Variants in FHIT observed in about 807,000 individuals in gnomAD.
FHIT encodes the protein fragile histidine triad diadenosine triphosphatase.
FHIT carries 19 observed loss-of-function variants against 17.9 expected under a neutral mutation model. That is an observed-to-expected ratio of 1.06 (90% CI 0.74 to 1.56). The LOEUF (loss-of-function observed/expected upper bound fraction) is 1.56, where lower values mean the gene tolerates loss of function less well. Ranked by LOEUF, FHIT falls within the 40% of genes most tolerant of loss-of-function variation. FHIT has a pLI of 0.00. For synonymous variants in FHIT, 81 were observed against 69.7 expected (o/e 1.16, Z -0.81); for missense variants, 248 against 189.2 (o/e 1.31, Z -1.82).
At chr3:59,916,934 AG>A (rs1217483141) in intron 8 of FHIT, among the ~76,000 whole-genome samples, 7 of 152,242 alleles carry the variant, frequency 4.6e-5, no homozygotes, top group African/African-American at 1.7e-4. Context: ...ACTCAGTGGG[AG>A]GACATCAGTA....
At chr3:59,881,745 G>A (rs1703418886) in intron 8 of FHIT, among the ~76,000 whole-genome samples, 1 of 152,136 alleles carries the variant, frequency 6.6e-6, no homozygotes. Flanking sequence ...CATTAGGATA[G>A]AATATTAGAG....
chr3:60,422,020 A>G (rs1205896260), intron 5 of FHIT, among the ~76,000 whole-genome samples: 1 of 152,108 alleles, frequency 6.6e-6, no homozygotes, highest in Non-Finnish European at 1.5e-5. Flanking sequence ...CATATTGGAG[A>G]GCTCTTAGGC....
intron 3 of FHIT, among the ~76,000 whole-genome samples, chr3:60,994,687 A>G (rs191279476): frequency 8.1e-4 from 124 of 152,302 alleles, no homozygotes; most frequent in South Asian, 2.1e-3. Context: ...GGACATTGAG[A>G]CCAAAATGTC....
At chr3:60,050,443 G>C (rs1327330860) in intron 5 of FHIT, among the ~76,000 whole-genome samples, 1 of 152,138 alleles carries the variant, frequency 6.6e-6, no homozygotes, top group Non-Finnish European at 1.5e-5. Context: ...ATAGCACTTA[G>C]AGCAGCAGAT....
intron 2 of FHIT, among the ~76,000 whole-genome samples, chr3:61,097,407 T>C (rs1162441147): frequency 3.9e-5 from 6 of 152,246 alleles, no homozygotes; most frequent in South Asian, 2.1e-4. Context: ...GCAATGAATA[T>C]ACACATGCAT....
At chr3:60,305,675 T>C (rs1164061867) in intron 5 of FHIT, among the ~76,000 whole-genome samples, 2 of 152,232 alleles carry the variant, frequency 1.3e-5, no homozygotes, top group African/African-American at 4.8e-5. Context: ...AGATGAGGTA[T>C]TTACATACAT....
At position 60,419,672 on chromosome 3, in the gene FHIT, G is replaced by A. The variant is rs147023764; in HGVS notation, c.103+117188C>T. Among the ~76,000 whole-genome samples the A allele has an allele frequency of 1.2e-4, 19 of 152,090 alleles. No individual in the cohort carries two copies. In the East Asian group the frequency reaches 1.4e-3, roughly 11 times the overall value. On this transcript the variant is annotated intron_variant, in intron 5 of 9. Transcript: ENST00000492590. Reference sequence around the variant, plus strand: ...CAGTATTCTTTTTGCTAAGAGTTCCGTCTTTCTCTAATTTCTTACTTTTAA... The same window carrying A: ...CAGTATTCTTTTTGCTAAGAGTTCCATCTTTCTCTAATTTCTTACTTTTAA...
At chr3:60,484,282 T>A (rs1321767400) in intron 5 of FHIT, among the ~76,000 whole-genome samples, 1 of 152,162 alleles carries the variant, frequency 6.6e-6, no homozygotes, top group Non-Finnish European at 1.5e-5. Flanking sequence ...ATTCTCAAAC[T>A]ACTATTGACA....
At chr3:60,784,409 T>G (rs1700496396) in intron 4 of FHIT, among the ~76,000 whole-genome samples, 1 of 151,498 alleles carries the variant, frequency 6.6e-6, no homozygotes, top group African/African-American at 2.4e-5. Context: ...CAATCTCAGC[T>G]GACTGCAGCC....
chr3:59,855,778 C>CT (rs1015752911), intron 8 of FHIT, among the ~76,000 whole-genome samples: 3 of 149,740 alleles, frequency 2.0e-5, no homozygotes, highest in Non-Finnish European at 3.0e-5. Flanking sequence ...ATAGATAAAC[C>CT]TTTTTTTGTT....
rs552265854 is a variant in FHIT at position 61,055,782 on chromosome 3, G to A, written c.-163-13683C>T. Reference sequence around the variant, plus strand: ...AGGAGTCCCAATACAGATTCTAGGTGTTCTAATGAGGGACAGAGAGAATGT... The same window carrying A: ...AGGAGTCCCAATACAGATTCTAGGTATTCTAATGAGGGACAGAGAGAATGT... On this transcript the variant is annotated intron_variant, in intron 2 of 9. Transcript: ENST00000492590. Among the ~76,000 whole-genome samples, 108 of 152,274 alleles carry A rather than the reference G, an allele frequency of 7.1e-4. 1 individual carries two copies. Among genetic ancestry groups the A allele is most frequent in the African/African-American group, 2.5e-3 (103 of 41,554 alleles).
At chr3:60,348,089 T>A (rs1710887687) in intron 5 of FHIT, among the ~76,000 whole-genome samples, 1 of 150,986 alleles carries the variant, frequency 6.6e-6, no homozygotes, top group East Asian at 2.0e-4. Context: ...AAATTCATGG[T>A]AAATTAGTAA....
chr3:59,958,719 C>T (rs1007189418), intron 7 of FHIT, among the ~76,000 whole-genome samples: 1 of 152,196 alleles, frequency 6.6e-6, no homozygotes, highest in Non-Finnish European at 1.5e-5. Flanking sequence ...TATGTAATTT[C>T]TACTCTGAAA....
intron 5 of FHIT, among the ~76,000 whole-genome samples, chr3:60,490,769 G>A (rs185390422): frequency 4.5e-4 from 68 of 150,596 alleles, no homozygotes; most frequent in Non-Finnish European, 1.5e-4. Flanking sequence ...TGCTTATTTT[G>A]CTCTAAGCCC....
At chr3:60,368,100 A>C (rs971632688) in intron 5 of FHIT, among the ~76,000 whole-genome samples, 1 of 151,974 alleles carries the variant, frequency 6.6e-6, no homozygotes, top group Admixed American at 6.6e-5. Context: ...GTGACTATGA[A>C]CATTTGTGTA....
intron 4 of FHIT, among the ~76,000 whole-genome samples, chr3:60,627,694 T>G (rs2039328486): frequency 1.3e-5 from 2 of 152,142 alleles, no homozygotes; most frequent in Admixed American, 1.3e-4. Flanking sequence ...CGGCTAATTT[T>G]CGTATTTTTA....
intron 4 of FHIT, among the ~76,000 whole-genome samples, chr3:60,671,550 A>T (rs2040504576): frequency 6.6e-6 from 1 of 152,164 alleles, no homozygotes; most frequent in Non-Finnish European, 1.5e-5. Context: ...TTCAGTTTTC[A>T]TATACGTTTA....
intron 5 of FHIT, among the ~76,000 whole-genome samples, chr3:60,073,563 C>A (rs1208165308): frequency 1.3e-5 from 2 of 152,078 alleles, no homozygotes; most frequent in African/African-American, 4.8e-5. Context: ...TCAAAAGAGA[C>A]GCTGATATTA....
intron 2 of FHIT, among the ~76,000 whole-genome samples, chr3:61,147,469 G>A (rs13323679): frequency 6.6e-6 from 1 of 151,848 alleles, no homozygotes; most frequent in South Asian, 2.1e-4. Flanking sequence ...AGAGTGCCAA[G>A]GTTCTTCTGC....
Sources: gnomAD v4.1 joint callset for allele counts (sites outside exome capture counted in the v4.1 genomes callset) on GRCh38, gnomAD v4.1.1 for gene constraint, MANE v1.5 for transcripts, NCBI Gene and HGNC (gene_info 2026-07-23, HGNC 2026-07-21) for gene names.